DPH6: variants seen among roughly 807,000 people sequenced by gnomAD.
The protein encoded by DPH6 is diphthamine biosynthesis 6, also known as diphthine--ammonia ligase.
A neutral mutation model predicts 38.2 loss-of-function variants in DPH6; 33 were observed. That is an observed-to-expected ratio of 0.86 (90% confidence interval 0.65 to 1.15). The LOEUF is 1.15. Ranked by LOEUF, DPH6 falls within the 50% of genes most tolerant of loss-of-function variation. DPH6 has a pLI of 0.00. For missense variants in DPH6, 325 were observed against 320.0 expected, an observed-to-expected ratio of 1.02 and a Z score of -0.12; for synonymous variants, 108 against 103.0, an observed-to-expected ratio of 1.05 and a Z score of -0.30.
chr15:35,298,930 C>T, intron 3 of DPH6: 1 of 795,446 alleles, frequency 1.3e-6, no homozygotes, highest in Non-Finnish European at 2.3e-6. Flanking sequence ...GAGGCAATGG[C>T]AGCTCCGCCC....
At chr15:35,524,387 A>T (rs1167579812) in intron 3 of DPH6, among the ~76,000 whole-genome samples, 1 of 152,180 alleles carries the variant, frequency 6.6e-6, no homozygotes, top group African/African-American at 2.4e-5. Flanking sequence ...TCAGACACAG[A>T]CAGATCACTT....
chr15:35,543,518 T>C (rs1025669842), intron 1 of DPH6, among the ~76,000 whole-genome samples: 2 of 152,056 alleles, frequency 1.3e-5, no homozygotes, highest in African/African-American at 4.8e-5. Context: ...CTCTCCCTTT[T>C]ACATTTCTTT....
In DPH6 at chr15:35,371,888, A is replaced by C. The variant is rs2052716822; in HGVS notation, c.*262T>G. 1.7e-5 allele frequency: 19 copies of C among 1,129,230 alleles called. No homozygotes were observed. The Admixed American group carries it at 6.7e-4, about 40-fold the overall frequency. The allele number at this position is 1,129,230 out of a possible 1,614,324, so 70.0% of individuals were successfully genotyped here. A position where few individuals can be genotyped will look rare whatever the true frequency, so the allele number is the denominator to read the frequency against. On this transcript the variant is annotated 3_prime_UTR_variant, in exon 9 of 9. Transcript: ENST00000256538. Reference sequence around the variant, plus strand: ...AGAAATGGGGTTTATAGATGAAATAAAAGAAAAAAAAGGTCATAGGGAAGA... The same window carrying C: ...AGAAATGGGGTTTATAGATGAAATACAAGAAAAAAAAGGTCATAGGGAAGA...
intron 3 of DPH6, chr15:35,331,097 T>A (rs2140861147): frequency 6.6e-6 from 1 of 152,160 alleles, no homozygotes; most frequent in East Asian, 1.9e-4. Flanking sequence ...TAAGATAAAA[T>A]AAAGAAAACA....
chr15:35,544,060 T>A (rs1488919124), intron 1 of DPH6, among the ~76,000 whole-genome samples: 1 of 152,206 alleles, frequency 6.6e-6, no homozygotes, highest in African/African-American at 2.4e-5. Context: ...CAGACAAGCT[T>A]GGGAAATGCA....
At chr15:35,469,619 C>A (rs1595391746) in intron 3 of DPH6, among the ~76,000 whole-genome samples, 1 of 152,148 alleles carries the variant, frequency 6.6e-6, no homozygotes, top group East Asian at 1.9e-4. Flanking sequence ...ATCACACTGA[C>A]TGATAGGAAA....
At chr15:35,189,063 CTTTCT>C in the DPH6 span, among the ~76,000 whole-genome samples, 20 of 152,172 alleles carry the variant, frequency 1.3e-4, no homozygotes, top group Non-Finnish European at 5.9e-5. Context: ...CGGTGATGCT[CTTTCT>C]TTTAACTTCA....
chr15:35,165,148 A>AC, the DPH6 span, among the ~76,000 whole-genome samples: 2 of 151,906 alleles, frequency 1.3e-5, no homozygotes. Context: ...TACAGTAGCC[A>AC]CCACATGAAC....
intron 3 of DPH6, among the ~76,000 whole-genome samples, chr15:35,475,650 TG>T (rs1005596887): frequency 5.3e-5 from 8 of 151,864 alleles, no homozygotes; most frequent in Non-Finnish European, 7.4e-5. Flanking sequence ...AAAATTATGA[TG>T]TTACTCTGAA....
intron 6 of DPH6, among the ~76,000 whole-genome samples, chr15:35,408,088 A>G (rs2053318628): frequency 6.6e-6 from 1 of 152,014 alleles, no homozygotes; most frequent in South Asian, 2.1e-4. Flanking sequence ...TGGTAGTAGT[A>G]GAGACAGTGA....
chr15:35,238,489 A>G (rs2051573406), intron 3 of DPH6, among the ~76,000 whole-genome samples: 2 of 152,190 alleles, frequency 1.3e-5, no homozygotes, highest in African/African-American at 4.8e-5. Flanking sequence ...ACCCAGCCAC[A>G]CTTGGGGAGC....
chr15:35,342,442 C>T (rs947410542), intron 3 of DPH6, among the ~76,000 whole-genome samples: 12 of 152,194 alleles, frequency 7.9e-5, no homozygotes, highest in African/African-American at 1.4e-4. Flanking sequence ...ATGCTGCTCC[C>T]GGGTGGGCTG....
intron 3 of DPH6, among the ~76,000 whole-genome samples, chr15:35,348,815 AT>A (rs1358290833): frequency 6.6e-6 from 1 of 151,822 alleles, no homozygotes; most frequent in African/African-American, 2.4e-5. Flanking sequence ...GTCTTGTTTA[AT>A]TTTTTTCAGC....
intron 3 of DPH6, among the ~76,000 whole-genome samples, chr15:35,497,477 T>C (rs1273463279): frequency 6.6e-6 from 1 of 152,176 alleles, no homozygotes; most frequent in Non-Finnish European, 1.5e-5. Context: ...ATACAACAAG[T>C]TTCCTTGCCC....
At chr15:35,266,647 T>A (rs2140423121) in intron 3 of DPH6, among the ~76,000 whole-genome samples, 1 of 152,344 alleles carries the variant, frequency 6.6e-6, no homozygotes, top group South Asian at 2.1e-4. Flanking sequence ...GTATCAAATG[T>A]CTAAAGGAGG....
chr15:35,219,532 A>G (rs530580306), exon 4 of DPH6: 13 of 152,212 alleles, frequency 8.5e-5, no homozygotes, highest in African/African-American at 3.1e-4. Context: ...ATGTCAGACT[A>G]TTTTTAATAC....
At chr15:35,522,229 T>TG in intron 3 of DPH6, 2 of 1,613,220 alleles carry the variant, frequency 1.2e-6, no homozygotes, top group Non-Finnish European at 1.7e-6. Context: ...GTGAAAATCT[T>TG]GGAGATTCAG....
In DPH6 at chr15:35,373,562, C is replaced by T; in HGVS notation, c.709G>A (p.Val237Met). The T allele has an allele frequency of 6.2e-7, 1 of 1,608,936 alleles. No individual in the cohort carries two copies. The highest frequency in any genetic ancestry group is 1.7e-5 in the Admixed American group (1 of 59,160). Residue 237 changes from valine (V) to methionine (M), a missense_variant, in exon 8 of 9, where the codon GTG (valine) becomes ATG (methionine). Physicochemically the swap from Val to Met is conservative, Grantham distance 21. Coordinates refer to ENST00000256538, the MANE Select transcript of DPH6 (RefSeq NM_080650.4). ...VIHSADAFAPVAYLRFLELHL... is the reference protein window; with the variant it reads ...VIHSADAFAPMAYLRFLELHL... ...AATTCTAAAAAGCGTAGATAAGCCA[C>T]AGGTGCAAATGCATCAGCTGAATGT... is the stretch of plus-strand genomic sequence containing the variant.
intron 3 of DPH6, among the ~76,000 whole-genome samples, chr15:35,272,939 A>T (rs1468234362): frequency 6.7e-6 from 1 of 149,780 alleles, no homozygotes; most frequent in African/African-American, 2.5e-5. Context: ...AGAATGTGAC[A>T]CCCCACCCTC....
Sources: gnomAD v4.1 joint callset for allele counts (sites outside exome capture counted in the v4.1 genomes callset) on GRCh38, gnomAD v4.1.1 for gene constraint, MANE v1.5 for transcripts, NCBI Gene and HGNC (gene_info 2026-07-23, HGNC 2026-07-21) for gene names.